RBFOX1: variants seen among roughly 807,000 people sequenced by gnomAD.
RBFOX1 encodes the protein RNA binding protein fox-1 homolog 1.
A neutral mutation model predicts 57.7 loss-of-function variants in RBFOX1; 8 were observed. That is an observed-to-expected ratio of 0.14 (90% confidence interval 0.08 to 0.25). RBFOX1 has a LOEUF of 0.25. Among genes scored for constraint, RBFOX1 ranks in the 10% least tolerant of loss-of-function variants. The pLI is 1.00. For synonymous variants in RBFOX1, 326 were observed against 222.4 expected (o/e 1.47, Z -4.15); for missense variants, 611 against 548.5 (o/e 1.11, Z -1.14).
At chr16:6,925,671 C>T (rs1366486196) in intron 3 of RBFOX1, among the ~76,000 whole-genome samples, 1 of 151,830 alleles carries the variant, frequency 6.6e-6, no homozygotes, top group Admixed American at 6.6e-5. Flanking sequence ...GCCTGGAATG[C>T]GTTAACAGCT....
chr16:7,098,019 A>C (rs2061991264), intron 4 of RBFOX1, among the ~76,000 whole-genome samples: 1 of 152,186 alleles, frequency 6.6e-6, no homozygotes, highest in Non-Finnish European at 1.5e-5. Context: ...GACTTAAATG[A>C]GCTCAGTGAT....
At position 7,258,722 on chromosome 16, in the gene RBFOX1, C is replaced by G. The variant is rs971904117; in HGVS notation, c.27+206624C>G. On this transcript the variant is annotated intron_variant, in intron 4 of 15. Transcript: ENST00000550418. ...TGCTGTTCTATTAGAGCCATTTAAT[C>G]TCATTTGTCTCCCCATTACTAACCT... Among the ~76,000 whole-genome samples, 6 of 152,252 alleles carry G rather than the reference C, an allele frequency of 3.9e-5. No individual in the cohort carries two copies. In the South Asian group the frequency reaches 6.2e-4, roughly 16 times the overall value.
intron 3 of RBFOX1, among the ~76,000 whole-genome samples, chr16:6,658,647 AT>A (rs1297664855): frequency 6.6e-6 from 1 of 151,974 alleles, no homozygotes; most frequent in Non-Finnish European, 1.5e-5. Flanking sequence ...CCAGAAGCCT[AT>A]TTTCTCTCAG....
At chr16:6,901,573 C>A (rs2068505620) in intron 3 of RBFOX1, among the ~76,000 whole-genome samples, 1 of 152,190 alleles carries the variant, frequency 6.6e-6, no homozygotes, top group African/African-American at 2.4e-5. Flanking sequence ...GAATGTTCAA[C>A]TCCTCAATTA....
intron 1 of RBFOX1, among the ~76,000 whole-genome samples, chr16:5,383,759 C>T (rs572849482): frequency 6.6e-6 from 1 of 152,170 alleles, no homozygotes; most frequent in African/African-American, 2.4e-5. Context: ...CTCAGCCATT[C>T]CCTAGAGATT....
chr16:6,429,295 C>A (rs2094012472), intron 2 of RBFOX1, among the ~76,000 whole-genome samples: 1 of 152,246 alleles, frequency 6.6e-6, no homozygotes. Context: ...GCACACGGCC[C>A]TGGGATCTTT....
intron 1 of RBFOX1, among the ~76,000 whole-genome samples, chr16:6,165,135 A>G (rs2096907800): frequency 6.6e-6 from 1 of 152,136 alleles, no homozygotes; most frequent in Non-Finnish European, 1.5e-5. Flanking sequence ...TCCAAGCCTC[A>G]GCTTTGGCAG....
At position 7,660,809 on chromosome 16, in the gene RBFOX1, C is replaced by G. The variant is rs149505412; in HGVS notation, c.891-4120C>G. ...GCCCAGCCATCTGTGTTTCAAAAGT[C>G]CTCCAGGTGATTCTGCTACACATTC... On this transcript the variant is annotated intron_variant, in intron 12 of 15. Transcript: ENST00000550418. Among the ~76,000 whole-genome samples, 307 of 152,320 alleles carry G rather than the reference C, an allele frequency of 2.0e-3. 3 individuals are homozygous for G. Among genetic ancestry groups the G allele is most frequent in the African/African-American group, 7.2e-3 (299 of 41,574 alleles).
intron 3 of RBFOX1, among the ~76,000 whole-genome samples, chr16:6,983,212 T>G (rs2089419465): frequency 6.6e-6 from 1 of 152,048 alleles, no homozygotes; most frequent in East Asian, 1.9e-4. Context: ...CCTCTGACTC[T>G]GTCACCCGCT....
intron 3 of RBFOX1, among the ~76,000 whole-genome samples, chr16:5,815,516 G>T (rs1164634009): frequency 6.6e-6 from 1 of 151,998 alleles, no homozygotes; most frequent in Non-Finnish European, 1.5e-5. Context: ...ACCAAGAAAA[G>T]GTCCAAATTC....
chr16:7,529,271 A>G (rs1393207049), intron 5 of RBFOX1, among the ~76,000 whole-genome samples: 1 of 152,170 alleles, frequency 6.6e-6, no homozygotes, highest in Non-Finnish European at 1.5e-5. Context: ...AAAAACAACA[A>G]CAACAAGAAG....
intron 13 of RBFOX1, among the ~76,000 whole-genome samples, chr16:7,668,276 C>T (rs1356311717): frequency 2.0e-5 from 3 of 152,268 alleles, no homozygotes; most frequent in African/African-American, 7.2e-5. Flanking sequence ...GAAAGACCTG[C>T]GTGATCCCTG....
At chr16:7,144,498 C>A (rs2074530419) in intron 4 of RBFOX1, among the ~76,000 whole-genome samples, 1 of 141,968 alleles carries the variant, frequency 7.0e-6, no homozygotes, top group Non-Finnish European at 1.5e-5. Flanking sequence ...CACAGCAGCT[C>A]ACTGCAGCCT....
At chr16:5,966,236 A>G (rs12149334) in intron 4 of RBFOX1, among the ~76,000 whole-genome samples, 47,984 of 152,032 alleles carry the variant, frequency 0.32, 7,953 homozygotes, top group East Asian at 0.39. Flanking sequence ...ATATTCGGCC[A>G]TTCTTGTGCT....
chr16:6,807,373 C>T (rs1046832120), intron 3 of RBFOX1, among the ~76,000 whole-genome samples: 2 of 151,944 alleles, frequency 1.3e-5, no homozygotes, highest in Non-Finnish European at 2.9e-5. Flanking sequence ...TGAGTGAGTC[C>T]AAGTTGATTT....
chr16:6,671,930 C>T (rs143627885), intron 3 of RBFOX1, among the ~76,000 whole-genome samples: 2 of 152,258 alleles, frequency 1.3e-5, no homozygotes, highest in South Asian at 2.1e-4. Flanking sequence ...AAAACTGTTG[C>T]GACTACTAAG....
intron 4 of RBFOX1, among the ~76,000 whole-genome samples, chr16:7,318,755 G>T (rs1359026937): frequency 6.6e-6 from 1 of 152,156 alleles, no homozygotes; most frequent in Admixed American, 6.5e-5. Flanking sequence ...TGAAAAGGCT[G>T]TCTTTGCCTT....
chr16:7,003,370 G>A (rs1209683065), intron 3 of RBFOX1, among the ~76,000 whole-genome samples: 2 of 151,590 alleles, frequency 1.3e-5, no homozygotes, highest in Non-Finnish European at 2.9e-5. Flanking sequence ...TGAGGCAAGA[G>A]AATCACTTAG....
downstream of RBFOX1, among the ~76,000 whole-genome samples, chr16:5,602,236 C>G (rs952207864): frequency 1.3e-5 from 2 of 152,226 alleles, no homozygotes; most frequent in African/African-American, 4.8e-5. Flanking sequence ...GGCAGATTGC[C>G]TCACATTCAC....
Sources: gnomAD v4.1 joint callset for allele counts (sites outside exome capture counted in the v4.1 genomes callset) on GRCh38, gnomAD v4.1.1 for gene constraint, MANE v1.5 for transcripts, NCBI Gene and HGNC (gene_info 2026-07-23, HGNC 2026-07-21) for gene names.